SYNDIG1: variants seen among roughly 807,000 people sequenced by gnomAD.
The protein encoded by SYNDIG1 is synapse differentiation-inducing gene protein 1.
In SYNDIG1, 9 loss-of-function variants were observed where a neutral mutation model predicts 19.4. The ratio of observed to expected loss-of-function variants is 0.46; its 90% CI spans 0.28 to 0.81. The LOEUF (loss-of-function observed/expected upper bound fraction) is 0.81. Ranked by LOEUF, SYNDIG1 falls within the 30% of genes least tolerant of loss-of-function variation. The pLI is 0.12. For synonymous variants in SYNDIG1, 141 were observed against 145.9 expected (o/e 0.97, Z 0.24); for missense variants, 311 against 343.3 (o/e 0.91, Z 0.74).
intron 3 of SYNDIG1, 136 bp downstream of exon 3, chr20:24,585,129 T>C (rs141393532): frequency 5.0e-5 from 60 of 1,201,982 alleles, no homozygotes; most frequent in South Asian, 2.9e-4. Flanking sequence ...ACTTGCCCAG[T>C]TGGAGGATAG....
At position 24,481,092 on chromosome 20, in the gene SYNDIG1, T is replaced by TTA. The variant is rs566265038; in HGVS notation, c.-79+11341_-79+11342dup. Among the ~76,000 whole-genome samples, 116 of 152,312 alleles carry TTA rather than the reference T, an allele frequency of 7.6e-4. 1 individual carries two copies. Among genetic ancestry groups the TTA allele is most frequent in the African/African-American group, 2.7e-3 (112 of 41,558 alleles). On this transcript the variant is annotated intron_variant, in intron 1 of 3. Coordinates refer to ENST00000376862, the MANE Select transcript of SYNDIG1 (RefSeq NM_024893.3). ...TTAGCACACTAAGAAATGGTTACGATTATGTAAATTTTATGTTGTGTGTGT... is the reference window on the plus strand; with the variant it reads ...TTAGCACACTAAGAAATGGTTACGATTATATGTAAATTTTATGTTGTGTGTGT...
intron 3 of SYNDIG1, among the ~76,000 whole-genome samples, chr20:24,624,875 CAG>C (rs1363782631): frequency 2.0e-5 from 3 of 152,042 alleles, no homozygotes; most frequent in Non-Finnish European, 4.4e-5. Flanking sequence ...ATAATTAAGA[CAG>C]AACTAAATAA....
intron 2 of SYNDIG1, among the ~76,000 whole-genome samples, 171 bp from the exon 3 acceptor site, chr20:24,584,685 G>A (rs1858081591): frequency 6.6e-6 from 1 of 152,156 alleles, no homozygotes; most frequent in Non-Finnish European, 1.5e-5. Context: ...GCCCTTCCTG[G>A]GAGGCTGTGT....
chr20:24,628,168 C>G (rs2059185982), intron 3 of SYNDIG1, among the ~76,000 whole-genome samples: 1 of 152,120 alleles, frequency 6.6e-6, no homozygotes, highest in Non-Finnish European at 1.5e-5. Flanking sequence ...TAAAAATTAT[C>G]TGGGAAGAAA....
At chr20:24,521,773 G>T (rs2057009308) in intron 1 of SYNDIG1, among the ~76,000 whole-genome samples, 1 of 151,938 alleles carries the variant, frequency 6.6e-6, no homozygotes, top group South Asian at 2.1e-4. Context: ...GGTGGTGCAT[G>T]GTTGTAATCC....
At chr20:24,547,331 A>G (rs991547808) in intron 2 of SYNDIG1, among the ~76,000 whole-genome samples, 1 of 152,264 alleles carries the variant, frequency 6.6e-6, no homozygotes, top group African/African-American at 2.4e-5. Context: ...TTGCAAGGGC[A>G]TGTGGAGCGT....
In SYNDIG1 at chr20:24,526,066, A is replaced by G. The variant is rs1230429415; in HGVS notation, c.-78-16954A>G. On this transcript the variant is annotated intron_variant, in intron 1 of 3. Transcript: ENST00000376862. ...ATTTGTTGCCTAGGATTTTCCTTGT[A>G]TATATGTTTTCCATCCTTTTACTTT... is the stretch of plus-strand genomic sequence containing the variant. Among the ~76,000 whole-genome samples, 4 of 152,118 alleles carry G rather than the reference A, an allele frequency of 2.6e-5. No homozygotes were observed. In the East Asian group the frequency reaches 7.7e-4, roughly 29 times the overall value.
At chr20:24,618,958 A>G (rs1363393384) in intron 3 of SYNDIG1, among the ~76,000 whole-genome samples, 1 of 152,204 alleles carries the variant, frequency 6.6e-6, no homozygotes, top group Non-Finnish European at 1.5e-5. Context: ...ATCAAATAAT[A>G]TAGAGGGAGA....
At chr20:24,548,434 G>GCTTTCA (rs1367406844) in intron 2 of SYNDIG1, among the ~76,000 whole-genome samples, 1 of 152,196 alleles carries the variant, frequency 6.6e-6, no homozygotes, top group Non-Finnish European at 1.5e-5. Context: ...AGCTGTTGGA[G>GCTTTCA]GACACAGAAT....
chr20:24,575,141 T>C (rs2058207287), intron 2 of SYNDIG1, among the ~76,000 whole-genome samples: 1 of 152,218 alleles, frequency 6.6e-6, no homozygotes, highest in Admixed American at 6.5e-5. Flanking sequence ...AAAGTTTGCC[T>C]TCCAGGACCC....
chr20:24,548,850 C>CA (rs1449488858), intron 2 of SYNDIG1, among the ~76,000 whole-genome samples: 2 of 152,132 alleles, frequency 1.3e-5, no homozygotes, highest in African/African-American at 4.8e-5. Context: ...TCTTTGTAGA[C>CA]ACTCATAATC....
intron 1 of SYNDIG1, among the ~76,000 whole-genome samples, chr20:24,474,542 C>T (rs2055561285): frequency 6.6e-6 from 1 of 152,190 alleles, no homozygotes; most frequent in Non-Finnish European, 1.5e-5. Flanking sequence ...GTTCAGTTAG[C>T]ATTATTTCAG....
chr20:24,657,238 C>T (rs2059534925), intron 3 of SYNDIG1, among the ~76,000 whole-genome samples: 1 of 152,202 alleles, frequency 6.6e-6, no homozygotes. Flanking sequence ...ATAGCAGCTG[C>T]CCGGTCCAGC....
At chr20:24,491,439 T>C (rs2056145186) in intron 1 of SYNDIG1, 1 of 152,244 alleles carries the variant, frequency 6.6e-6, no homozygotes, top group Non-Finnish European at 1.5e-5. Flanking sequence ...CCTCAGATGC[T>C]ATTGCCTTGA....
At chr20:24,611,429 GCTCA>G (rs1184058360) in intron 3 of SYNDIG1, among the ~76,000 whole-genome samples, 1 of 152,172 alleles carries the variant, frequency 6.6e-6, no homozygotes, top group African/African-American at 2.4e-5. Flanking sequence ...TCTCTGCAGA[GCTCA>G]CTCAGAGCAC....
rs774897615 is a variant in SYNDIG1, at chr20:24,543,366, A to G, written c.269A>G (p.Asn90Ser). ...TCAGTGGAGTCCCGCTACCGGCCCA[A>G]CATCATCCTCTATTCAGAGGGCGTG... The part of the protein sequence containing the change: ...QQSVESRYRP[N>S]IILYSEGVLR... Residue 90 changes from asparagine to serine, a missense_variant, in exon 2 of 4, where the codon AAC becomes AGC. Transcript: ENST00000376862. The G allele has an allele frequency of 2.5e-6, 4 of 1,613,602 alleles. No individual in the cohort carries two copies. The highest frequency in any genetic ancestry group is 1.6e-4 in the Middle Eastern group (1 of 6,062).
chr20:24,656,461 G>C (rs985847014), intron 3 of SYNDIG1, among the ~76,000 whole-genome samples: 1 of 152,218 alleles, frequency 6.6e-6, no homozygotes, highest in Admixed American at 6.5e-5. Context: ...GAAAGCAGGC[G>C]TGCTGAGGGG....
intron 3 of SYNDIG1, among the ~76,000 whole-genome samples, chr20:24,663,791 G>T (rs973711320): frequency 9.2e-5 from 14 of 152,174 alleles, no homozygotes; most frequent in Admixed American, 5.9e-4. Context: ...ATAGCCCTGG[G>T]GATGGCACTA....
chr20:24,530,349 A>G (rs2057230680), intron 1 of SYNDIG1, among the ~76,000 whole-genome samples: 1 of 152,178 alleles, frequency 6.6e-6, no homozygotes, highest in South Asian at 2.1e-4. Context: ...TGTGAACAGG[A>G]AGTCCCAGGC....
Sources: allele counts gnomAD v4.1 joint callset (sites outside exome capture counted in the v4.1 genomes callset), GRCh38; gene constraint gnomAD v4.1.1; transcripts MANE v1.5; gene names NCBI Gene and HGNC (gene_info 2026-07-23, HGNC 2026-07-21).